The following IGSF11 variants were observed in gnomAD, a reference collection of about 807,000 sequenced individuals.
IGSF11 encodes the protein CXADR like 1.
Under a neutral mutation model 41.0 loss-of-function variants are expected in IGSF11, and 22 were observed. That is an observed-to-expected ratio of 0.54 (90% CI 0.38 to 0.77). The LOEUF (loss-of-function observed/expected upper bound fraction) is 0.77. IGSF11 is among the 30% of genes least tolerant of loss of function. The pLI, the probability that IGSF11 is intolerant of heterozygous loss-of-function variation, is 0.00. For synonymous variants in IGSF11, 219 were observed against 201.3 expected, an observed-to-expected ratio of 1.09 and a Z score of -0.74; for missense variants, 444 against 530.8, an observed-to-expected ratio of 0.84 and a Z score of 1.61.
intron 1 of IGSF11, among the ~76,000 whole-genome samples, chr3:118,975,315 T>C (rs1284874069): frequency 6.7e-6 from 1 of 150,282 alleles, no homozygotes; most frequent in African/African-American, 2.5e-5. Context: ...ACTCATTTCA[T>C]ATAGATTTTA....
chr3:119,088,944 A>G (rs1478479168), intron 1 of IGSF11, among the ~76,000 whole-genome samples: 1 of 152,154 alleles, frequency 6.6e-6, no homozygotes, highest in Non-Finnish European at 1.5e-5. Flanking sequence ...AAATTGCATC[A>G]ATAATAAGGA....
chr3:118,953,448 T>G (rs1042754113), intron 1 of IGSF11, among the ~76,000 whole-genome samples: 5 of 152,210 alleles, frequency 3.3e-5, no homozygotes, highest in African/African-American at 9.6e-5. Context: ...TAGTTCTACT[T>G]TTATTAATAG....
intron 1 of IGSF11, among the ~76,000 whole-genome samples, chr3:118,942,055 A>G (rs887630267): frequency 1.3e-5 from 2 of 152,230 alleles, no homozygotes; most frequent in African/African-American, 2.4e-5. Context: ...CATCACGGTT[A>G]TGGTAGTGAA....
At chr3:119,051,946 A>C (rs1467402852) in intron 1 of IGSF11, among the ~76,000 whole-genome samples, 1 of 152,204 alleles carries the variant, frequency 6.6e-6, no homozygotes, top group East Asian at 1.9e-4. Context: ...ATAGTGACAC[A>C]ACCTGTCAAC....
chr3:119,024,452 GA>G (rs926897854), intron 1 of IGSF11, among the ~76,000 whole-genome samples: 4 of 152,080 alleles, frequency 2.6e-5, no homozygotes, highest in African/African-American at 9.7e-5. Flanking sequence ...ATGAATCTCA[GA>G]ATTATTTAAG....
At chr3:119,041,560 G>A (rs1402442372) in intron 1 of IGSF11, among the ~76,000 whole-genome samples, 1 of 151,936 alleles carries the variant, frequency 6.6e-6, no homozygotes, top group Non-Finnish European at 1.5e-5. Context: ...ACTCCAGCCT[G>A]GGCAACAAGC....
intron 1 of IGSF11, among the ~76,000 whole-genome samples, chr3:119,111,042 C>T (rs1284229909): frequency 6.6e-6 from 1 of 151,916 alleles, no homozygotes; most frequent in Non-Finnish European, 1.5e-5. Flanking sequence ...TTCATTTCAA[C>T]TTTGGTGAAT....
At chr3:118,995,182 T>C (rs779329612) in intron 1 of IGSF11, among the ~76,000 whole-genome samples, 9 of 152,208 alleles carry the variant, frequency 5.9e-5, no homozygotes, top group Non-Finnish European at 1.3e-4. Context: ...CCCTAGCCAA[T>C]CATTTGCAGA....
intron 1 of IGSF11, among the ~76,000 whole-genome samples, chr3:118,977,394 T>G (rs985648282): frequency 2.0e-5 from 3 of 152,200 alleles, no homozygotes; most frequent in African/African-American, 7.2e-5. Flanking sequence ...CATGTTCTAG[T>G]TTGGTCTTGG....
intron 1 of IGSF11, among the ~76,000 whole-genome samples, chr3:118,953,532 G>C (rs1944736168): frequency 6.6e-6 from 1 of 152,114 alleles, no homozygotes; most frequent in Non-Finnish European, 1.5e-5. Context: ...GTGTAAAATT[G>C]TTCCCTTTCT....
At chr3:119,005,430 G>A (rs910121522) in intron 1 of IGSF11, among the ~76,000 whole-genome samples, 1 of 151,136 alleles carries the variant, frequency 6.6e-6, no homozygotes, top group African/African-American at 2.5e-5. Context: ...TCGCCAGTCT[G>A]TGTCTTTTAA....
chr3:119,091,475 T>C (rs936339451), intron 1 of IGSF11, among the ~76,000 whole-genome samples: 3 of 152,164 alleles, frequency 2.0e-5, no homozygotes, highest in Non-Finnish European at 1.5e-5. Flanking sequence ...CTATGGTAGA[T>C]TGGATTAAAC....
intron 1 of IGSF11, among the ~76,000 whole-genome samples, chr3:119,090,560 A>G (rs866107333): frequency 3.3e-5 from 5 of 152,214 alleles, no homozygotes; most frequent in Non-Finnish European, 7.3e-5. Flanking sequence ...AACAGAATTT[A>G]AAAACTCAGA....
At chr3:118,905,549 T>G (rs1559870189) in intron 5 of IGSF11, 47 bp downstream of exon 5, 3 of 1,605,120 alleles carry the variant, frequency 1.9e-6, no homozygotes, top group Non-Finnish European at 2.6e-6. Flanking sequence ...AACAAAGATC[T>G]TAGAGTTTCA....
At chr3:118,958,176 G>A (rs1203037605) in intron 1 of IGSF11, among the ~76,000 whole-genome samples, 3 of 152,162 alleles carry the variant, frequency 2.0e-5, no homozygotes, top group Non-Finnish European at 4.4e-5. Flanking sequence ...TTCAGAGGAG[G>A]TAGGAAAAAA....
rs1360921796 is a variant in IGSF11 at position 118,950,440 on chromosome 3, T to G, written c.53-20165A>C. 2.6e-5 allele frequency among the ~76,000 whole-genome samples: 4 copies of G among 152,170 alleles called. No individual in the cohort carries two copies. The South Asian group carries it at 6.2e-4, about 24-fold the overall frequency. On this transcript the variant is annotated intron_variant, in intron 1 of 6. Transcript: ENST00000393775. ...TTGCCACGACGAGATACAACAGTATTATGACACAGTAAAAAATTCCTAAGG... is the reference window on the plus strand; with the variant it reads ...TTGCCACGACGAGATACAACAGTATGATGACACAGTAAAAAATTCCTAAGG...
At chr3:119,103,667 G>T (rs2076974443) in intron 1 of IGSF11, among the ~76,000 whole-genome samples, 1 of 151,658 alleles carries the variant, frequency 6.6e-6, no homozygotes, top group African/African-American at 2.4e-5. Context: ...TGTATCCAAT[G>T]CAGAGTCTCT....
chr3:118,931,125 A>T (rs1445790934), intron 1 of IGSF11, among the ~76,000 whole-genome samples: 1 of 152,224 alleles, frequency 6.6e-6, no homozygotes, highest in Non-Finnish European at 1.5e-5. Flanking sequence ...CATGGGGCAA[A>T]AATAGTCTTT....
At chr3:118,989,439 G>A (rs912906337) in intron 1 of IGSF11, among the ~76,000 whole-genome samples, 8 of 151,594 alleles carry the variant, frequency 5.3e-5, no homozygotes, top group Non-Finnish European at 8.8e-5. Flanking sequence ...TGCAACCTCC[G>A]CCTCGCGGGT....
Sources: allele counts gnomAD v4.1 joint callset (sites outside exome capture counted in the v4.1 genomes callset), GRCh38; gene constraint gnomAD v4.1.1; transcripts MANE v1.5; gene names NCBI Gene and HGNC (gene_info 2026-07-23, HGNC 2026-07-21).